KCNT2: variants seen among roughly 807,000 people sequenced by gnomAD.
KCNT2 encodes potassium sodium-activated channel subfamily T member 2.
A neutral mutation model predicts 153.8 loss-of-function variants in KCNT2; 67 were observed. That is an observed-to-expected ratio of 0.44 (90% CI 0.36 to 0.53). The LOEUF (loss-of-function observed/expected upper bound fraction) is 0.53, where lower values mean the gene tolerates loss of function less well. Among genes scored for constraint, KCNT2 ranks in the 20% least tolerant of loss-of-function variants. KCNT2 has a pLI of 0.00. For synonymous variants in KCNT2, 500 were observed against 458.8 expected, an observed-to-expected ratio of 1.09 and a Z score of -1.15; for missense variants, 975 against 1,354.8, an observed-to-expected ratio of 0.72 and a Z score of 4.40.
At chr1:196,298,147 C>G (rs186710462) in intron 22 of KCNT2, among the ~76,000 whole-genome samples, 2 of 152,148 alleles carry the variant, frequency 1.3e-5, no homozygotes, top group Non-Finnish European at 1.5e-5. Flanking sequence ...ATAGACATGA[C>G]TGTTTGCATT....
In KCNT2 at chr1:196,593,311, T is replaced by TACACACACACAC. The variant is rs869080667; in HGVS notation, c.95+14892_95+14903dup. Among the ~76,000 whole-genome samples, 16 of 140,206 alleles carry TACACACACACAC rather than the reference T, an allele frequency of 1.1e-4. 1 individual carries two copies. The highest frequency in any genetic ancestry group is 4.2e-4 in the African/African-American group (15 of 35,740). 92.0% of individuals were successfully genotyped at this position (140,206 alleles called of 152,430 possible). A position where few individuals can be genotyped will look rare whatever the true frequency, so the allele number is the denominator to read the frequency against. ...CATATATATAATATATATATATATA[T>TACACACACACAC]ACACACACACACACACACACACACA... is the stretch of plus-strand genomic sequence containing the variant. On this transcript the variant is annotated intron_variant, in intron 1 of 27. Transcript: ENST00000294725.
At chr1:196,542,809 G>A (rs183797791) in intron 1 of KCNT2, among the ~76,000 whole-genome samples, 1 of 152,182 alleles carries the variant, frequency 6.6e-6, no homozygotes, top group East Asian at 1.9e-4. Context: ...CAAGAAACAA[G>A]TGGTTCTGTT....
chr1:196,321,354 G>C (rs1011401691), intron 19 of KCNT2, among the ~76,000 whole-genome samples: 1 of 151,624 alleles, frequency 6.6e-6, no homozygotes, highest in African/African-American at 2.4e-5. Flanking sequence ...TGTGTCTTGA[G>C]GTCACTGTGG....
chr1:196,271,667 T>C (rs1658075567), intron 25 of KCNT2, among the ~76,000 whole-genome samples: 1 of 151,500 alleles, frequency 6.6e-6, no homozygotes, highest in South Asian at 2.1e-4. Flanking sequence ...GATTTAAGAG[T>C]ACAGTTTTTG....
chr1:196,250,946 C>T (rs1219687224), intron 26 of KCNT2, among the ~76,000 whole-genome samples: 1 of 152,010 alleles, frequency 6.6e-6, no homozygotes, highest in African/African-American at 2.4e-5. Flanking sequence ...CAATTAAATG[C>T]TTTCATCCAA....
At chr1:196,362,773 G>C (rs550036082) in intron 14 of KCNT2, among the ~76,000 whole-genome samples, 30 of 152,118 alleles carry the variant, frequency 2.0e-4, no homozygotes, top group African/African-American at 7.2e-4. Context: ...CATTTTGTAG[G>C]ATGCTCTCAA....
At chr1:196,344,811 T>C (rs759274436) in intron 14 of KCNT2, among the ~76,000 whole-genome samples, 4 of 152,210 alleles carry the variant, frequency 2.6e-5, no homozygotes, top group Non-Finnish European at 5.9e-5. Context: ...ATTGCCTTGC[T>C]ATTTTATGCT....
intron 1 of KCNT2, among the ~76,000 whole-genome samples, chr1:196,568,860 T>C (rs1457133423): frequency 2.0e-5 from 3 of 151,794 alleles, no homozygotes; most frequent in Admixed American, 1.3e-4. Flanking sequence ...AGAAAGACAC[T>C]ATGCTTGGCA....
intron 1 of KCNT2, among the ~76,000 whole-genome samples, chr1:196,570,067 TAAAA>T (rs199836975): frequency 2.2e-5 from 3 of 133,740 alleles, no homozygotes; most frequent in African/African-American, 1.1e-4. Context: ...TGAGCTAGAG[TAAAA>T]AAAAAAAAAA....
At chr1:196,593,552 G>T (rs945396608) in intron 1 of KCNT2, among the ~76,000 whole-genome samples, 1 of 151,456 alleles carries the variant, frequency 6.6e-6, no homozygotes, top group Non-Finnish European at 1.5e-5. Context: ...GAGTATAATC[G>T]GATTTTTTGT....
intron 25 of KCNT2, among the ~76,000 whole-genome samples, chr1:196,265,916 A>T (rs970020137): frequency 1.3e-5 from 2 of 152,162 alleles, no homozygotes; most frequent in Non-Finnish European, 2.9e-5. Flanking sequence ...CATAACCCTG[A>T]TGATACTTAC....
chr1:196,444,971 A>T (rs1277468359), intron 8 of KCNT2, among the ~76,000 whole-genome samples: 1 of 151,410 alleles, frequency 6.6e-6, no homozygotes, highest in Non-Finnish European at 1.5e-5. Context: ...CAGAAATGCT[A>T]CTAAATTCAG....
At chr1:196,274,770 T>C (rs1210845185) in intron 25 of KCNT2, among the ~76,000 whole-genome samples, 1 of 151,838 alleles carries the variant, frequency 6.6e-6, no homozygotes, top group Non-Finnish European at 1.5e-5. Context: ...ATTAATATGC[T>C]TTAAAAGATG....
At chr1:196,548,101 A>G (rs1168623678) in intron 1 of KCNT2, among the ~76,000 whole-genome samples, 2 of 151,794 alleles carry the variant, frequency 1.3e-5, no homozygotes, top group African/African-American at 4.8e-5. Context: ...GGAGAATTTA[A>G]GAAAATAATA....
chr1:196,389,004 A>G (rs1670243117), intron 13 of KCNT2, among the ~76,000 whole-genome samples: 1 of 151,778 alleles, frequency 6.6e-6, no homozygotes, highest in African/African-American at 2.4e-5. Flanking sequence ...TAAAAATATG[A>G]TGTTGCTTTT....
At chr1:196,239,547 G>T (rs1654760557) in intron 26 of KCNT2, among the ~76,000 whole-genome samples, 1 of 151,816 alleles carries the variant, frequency 6.6e-6, no homozygotes, top group Admixed American at 6.6e-5. Flanking sequence ...TATTCCTATG[G>T]TTCTTACAAA....
chr1:196,323,710 T>C (rs1429219198), intron 19 of KCNT2, among the ~76,000 whole-genome samples: 6 of 151,910 alleles, frequency 3.9e-5, no homozygotes, highest in Non-Finnish European at 8.8e-5. Context: ...TTATTTCTGT[T>C]ATATTGAATT....
intron 14 of KCNT2, among the ~76,000 whole-genome samples, chr1:196,353,164 CCTT>C (rs1666883193): frequency 6.6e-6 from 1 of 151,968 alleles, no homozygotes; most frequent in African/African-American, 2.4e-5. Flanking sequence ...CTTGCCATCT[CCTT>C]CTCTTTTTCC....
At chr1:196,307,670 T>C (rs1306282760) in intron 21 of KCNT2, among the ~76,000 whole-genome samples, 2 of 152,148 alleles carry the variant, frequency 1.3e-5, no homozygotes, top group Admixed American at 1.3e-4. Flanking sequence ...TTAATTAGAA[T>C]AGTTTATGGA....
Sources: allele counts gnomAD v4.1 joint callset (sites outside exome capture counted in the v4.1 genomes callset), GRCh38; gene constraint gnomAD v4.1.1; transcripts MANE v1.5; gene names NCBI Gene and HGNC (gene_info 2026-07-23, HGNC 2026-07-21).